The following MTRR variants were observed in gnomAD, a reference collection of about 807,000 sequenced individuals.
MTRR encodes the protein 5-methyltetrahydrofolate-homocysteine methyltransferase reductase, also known as methionine synthase reductase.
In MTRR, 63 loss-of-function variants were observed where a neutral mutation model predicts 79.2. The ratio of observed to expected loss-of-function variants is 0.80; its 90% CI spans 0.65 to 0.98. The LOEUF is 0.98. Ranked by LOEUF, MTRR falls within the 50% of genes least tolerant of loss-of-function variation. The probability of loss-of-function intolerance (pLI) is 0.00; values close to 1 mark genes in which losing one functional copy is unlikely to be tolerated. For synonymous variants in MTRR, 355 were observed against 313.3 expected (o/e 1.13, Z -1.41); for missense variants, 895 against 839.6 (o/e 1.07, Z -0.82).
intron 1 of MTRR, 126 bp downstream of exon 1, chr5:7,869,341 C>A: frequency 1.8e-6 from 2 of 1,122,176 alleles, no homozygotes; most frequent in Non-Finnish European, 2.5e-6. Context: ...GCCCTTCGGC[C>A]TCCGGGGGTC....
At chr5:7,886,465 AT>A in intron 7 of MTRR, 149 bp from the exon 8 acceptor site, 2 of 658,284 alleles carry the variant, frequency 3.0e-6, no homozygotes, top group South Asian at 1.8e-5. Context: ...ATTTTGGGGA[AT>A]TTTTTTGGCT....
At chr5:7,880,461 T>C (rs1046245890) in intron 5 of MTRR, among the ~76,000 whole-genome samples, 156 of 152,314 alleles carry the variant, frequency 1.0e-3, no homozygotes, top group Non-Finnish European at 7.4e-5. Context: ...TGCACGGAGG[T>C]TACAGTGGAC....
At chr5:7,898,305 A>G (rs1032237631) in intron 14 of MTRR, among the ~76,000 whole-genome samples, 9 of 152,184 alleles carry the variant, frequency 5.9e-5, no homozygotes, top group Non-Finnish European at 8.8e-5. Flanking sequence ...TGCACCTCTA[A>G]ATAGTAGAGG....
chr5:7,886,968 T>C (rs993582790), intron 8 of MTRR, among the ~76,000 whole-genome samples: 1 of 152,216 alleles, frequency 6.6e-6, no homozygotes, highest in African/African-American at 2.4e-5. Context: ...AATAGGGCTT[T>C]TTCTTTGTCT....
At chr5:7,874,992 A>G (rs1357709058) in intron 3 of MTRR, among the ~76,000 whole-genome samples, 1 of 152,220 alleles carries the variant, frequency 6.6e-6, no homozygotes, top group South Asian at 2.1e-4. Flanking sequence ...ACACATAGTC[A>G]TGGAGATGAA....
chr5:7,897,265 C>T lies in MTRR; in HGVS notation c.1952+18C>T. 1 of 1,613,382 alleles carries T rather than the reference C, an allele frequency of 6.2e-7. No homozygotes were observed. Among genetic ancestry groups the T allele is most frequent in the Non-Finnish European group, 8.5e-7 (1 of 1,179,700 alleles). On this transcript the variant is annotated intron_variant, in intron 14 of 14. Coordinates refer to ENST00000440940, the MANE Select transcript of MTRR (RefSeq NM_002454.3). ...GTGTGTGGGTGAGTCATTATCGTGCCTAAGTCGGGTAGGAGAGGGCCATCA... is the reference window on the plus strand; with the variant it reads ...GTGTGTGGGTGAGTCATTATCGTGCTTAAGTCGGGTAGGAGAGGGCCATCA...
Position 7,881,374 on chromosome 5 carries a change from G to T in MTRR, c.781-1781G>T, listed in dbSNP as rs73034424. On this transcript the variant is annotated intron_variant, in intron 5 of 14. Transcript: ENST00000440940. The stretch of plus-strand genomic sequence containing the variant: ...TCTAGCAACCAGAAGAGGGGATGGG[G>T]TGTGGTAGTGGGGGTACAGGCATGT... Among the ~76,000 whole-genome samples the T allele has an allele frequency of 6.6e-3, 1,007 of 152,120 alleles. 10 individuals are homozygous for T. Among genetic ancestry groups the T allele is most frequent in the African/African-American group, 0.021 (862 of 41,492 alleles).
intron 9 of MTRR, among the ~76,000 whole-genome samples, chr5:7,889,749 A>C (rs1042400658): frequency 6.6e-6 from 1 of 152,198 alleles, no homozygotes; most frequent in African/African-American, 2.4e-5. Context: ...AGAATGCAGA[A>C]ATGCCCCCAT....
chr5:7,898,675 A>G (rs1196900489), intron 14 of MTRR, among the ~76,000 whole-genome samples: 2 of 152,080 alleles, frequency 1.3e-5, no homozygotes, highest in African/African-American at 4.8e-5. Context: ...CTTGGGGTAT[A>G]AGTTCCCTGA....
chr5:7,879,844 C>T (rs1388360474), intron 5 of MTRR, among the ~76,000 whole-genome samples: 1 of 152,150 alleles, frequency 6.6e-6, no homozygotes, highest in Admixed American at 6.5e-5. Context: ...AGCGGCAGGA[C>T]CTGTTAACGA....
intron 5 of MTRR, among the ~76,000 whole-genome samples, chr5:7,881,170 T>C (rs1735523275): frequency 6.6e-6 from 1 of 152,112 alleles, no homozygotes; most frequent in Non-Finnish European, 1.5e-5. Flanking sequence ...TGCCCATTTT[T>C]TACATCTGTG....
chr5:7,868,074 T>C (rs1203911431), upstream of MTRR: 1 of 1,600,104 alleles, frequency 6.2e-7, no homozygotes, highest in Non-Finnish European at 8.5e-7. Flanking sequence ...CTCAAGGTGA[T>C]TAATGCCATA....
chr5:7,896,242 C>G (rs920521086), intron 12 of MTRR, among the ~76,000 whole-genome samples: 2 of 152,174 alleles, frequency 1.3e-5, no homozygotes, highest in Admixed American at 6.5e-5. Flanking sequence ...ACTCAAACAT[C>G]AGTAATTTTC....
At chr5:7,852,667 T>C (rs535383530) in intron 1 of MTRR, among the ~76,000 whole-genome samples, 2 of 152,168 alleles carry the variant, frequency 1.3e-5, no homozygotes, top group East Asian at 1.9e-4. Flanking sequence ...TTTTCTCCCA[T>C]GGGCTGAAGT....
At position 7,886,706 on chromosome 5, in the gene MTRR, A is replaced by G. The variant is rs1454524530; in HGVS notation, c.1146+3A>G. On this transcript the variant is annotated splice_donor_region_variant and intron_variant, in intron 8 of 14. Transcript: ENST00000440940. The stretch of plus-strand genomic sequence containing the variant: ...AAATCCGAGCAATTCCTAAAAAGGT[A>G]TTTTTTTCTGTCTTCTTCAGGTAAC... 2 of 1,603,434 alleles carry G rather than the reference A, an allele frequency of 1.2e-6. No individual in the cohort carries two copies. The highest frequency in any genetic ancestry group is 2.7e-5 in the African/African-American group (2 of 74,726).
At chr5:7,872,187 T>C (rs908623286) in intron 2 of MTRR, 5 of 445,024 alleles carry the variant, frequency 1.1e-5, no homozygotes, top group Non-Finnish European at 2.2e-5. Flanking sequence ...TTGGAAGCAT[T>C]AAATACTTCG....
At chr5:7,872,193 C>G in intron 2 of MTRR, 1 of 446,652 alleles carries the variant, frequency 2.2e-6, no homozygotes, top group Non-Finnish European at 4.5e-6. Context: ...GCATTAAATA[C>G]TTCGGTAAAA....
intron 2 of MTRR, among the ~76,000 whole-genome samples, chr5:7,862,628 C>T (rs538025343): frequency 9.2e-4 from 140 of 152,218 alleles, no homozygotes; most frequent in African/African-American, 3.3e-3. Flanking sequence ...TCTGCTACTA[C>T]GTGGCTAATA....
intron 5 of MTRR, among the ~76,000 whole-genome samples, chr5:7,879,689 T>C (rs1286295127): frequency 6.6e-6 from 1 of 152,116 alleles, no homozygotes; most frequent in African/African-American, 2.4e-5. Flanking sequence ...ACAGAGGGGT[T>C]GGAAGCAGGA....
Sources: gnomAD v4.1 joint callset for allele counts (sites outside exome capture counted in the v4.1 genomes callset) on GRCh38, gnomAD v4.1.1 for gene constraint, MANE v1.5 for transcripts, NCBI Gene and HGNC (gene_info 2026-07-23, HGNC 2026-07-21) for gene names.